The following DACH1 variants were observed in gnomAD, a reference collection of about 807,000 sequenced individuals.
The protein encoded by DACH1 is dachshund family transcription factor 1.
Under a neutral mutation model 54.2 loss-of-function variants are expected in DACH1, and 12 were observed. That is an observed-to-expected ratio of 0.22 (90% CI 0.14 to 0.36). The LOEUF is 0.36. Ranked by LOEUF, DACH1 falls within the 10% of genes least tolerant of loss-of-function variation. The pLI, the probability that DACH1 is intolerant of heterozygous loss-of-function variation, is 1.00. For synonymous variants in DACH1, 386 were observed against 366.2 expected (o/e 1.05, Z -0.62); for missense variants, 805 against 929.8 (o/e 0.87, Z 1.75).
intron 6 of DACH1, among the ~76,000 whole-genome samples, chr13:71,489,481 C>G (rs1262330574): frequency 4.6e-5 from 7 of 152,046 alleles, no homozygotes; most frequent in Non-Finnish European, 1.0e-4. Context: ...CCAATTATCT[C>G]CTTTTAGTTT....
rs746959352 is a variant in DACH1 at position 71,841,363 on chromosome 13, C to T, written c.848+24559G>A. 7.9e-5 allele frequency among the ~76,000 whole-genome samples: 12 copies of T among 151,446 alleles called. 1 individual carries two copies. Among genetic ancestry groups the T allele is most frequent in the African/African-American group, 2.4e-4 (10 of 41,192 alleles). On this transcript the variant is annotated intron_variant, in intron 1 of 10. Coordinates refer to ENST00000613252, the MANE Select transcript of DACH1 (RefSeq NM_080759.6). ...ATAATTGCACACAGGGAAGGGAGAG[C>T]GGGGAGGGAGGAGGTGGCAAGAGGT...
At chr13:71,624,139 T>G (rs1876463506) in intron 3 of DACH1, among the ~76,000 whole-genome samples, 1 of 151,882 alleles carries the variant, frequency 6.6e-6, no homozygotes, top group Non-Finnish European at 1.5e-5. Context: ...TTAGTACATT[T>G]TTTGTCTTTT....
At chr13:71,784,803 C>T (rs991792612) in intron 1 of DACH1, among the ~76,000 whole-genome samples, 29 of 152,086 alleles carry the variant, frequency 1.9e-4, no homozygotes, top group African/African-American at 6.5e-4. Context: ...GGTTCCCCAG[C>T]CTTCATCATA....
At chr13:71,856,008 C>G (rs1254016469) in intron 1 of DACH1, among the ~76,000 whole-genome samples, 1 of 151,830 alleles carries the variant, frequency 6.6e-6, no homozygotes, top group Non-Finnish European at 1.5e-5. Context: ...ATTTTAATAG[C>G]ATGAGAAAAC....
chr13:71,714,608 G>C (rs1217696542), intron 1 of DACH1, among the ~76,000 whole-genome samples: 1 of 151,802 alleles, frequency 6.6e-6, no homozygotes, highest in Non-Finnish European at 1.5e-5. Context: ...GACATCTGTG[G>C]AATTTTATTA....
At chr13:71,602,894 G>C (rs1263088782) in intron 3 of DACH1, among the ~76,000 whole-genome samples, 6 of 152,066 alleles carry the variant, frequency 3.9e-5, no homozygotes, top group Non-Finnish European at 5.9e-5. Flanking sequence ...TATGCTGTGA[G>C]TTAATAATAC....
chr13:71,675,212 G>GT (rs1402373897), intron 2 of DACH1: 1 of 1,573,028 alleles, frequency 6.4e-7, no homozygotes, highest in Admixed American at 1.7e-5. Context: ...GTGGCGCTCC[G>GT]TGAAGTTAGA....
chr13:71,743,483 G>C (rs113874980), intron 1 of DACH1, among the ~76,000 whole-genome samples: 1 of 152,222 alleles, frequency 6.6e-6, no homozygotes, highest in Admixed American at 6.5e-5. Flanking sequence ...TTGCTTTTTC[G>C]CACAGTCCCT....
At chr13:71,736,212 C>G (rs1480966334) in intron 1 of DACH1, among the ~76,000 whole-genome samples, 1 of 152,064 alleles carries the variant, frequency 6.6e-6, no homozygotes, top group East Asian at 1.9e-4. Context: ...GAAAACAAAT[C>G]TCAAAGTTAA....
intron 2 of DACH1, among the ~76,000 whole-genome samples, chr13:71,655,225 C>T (rs1383968198): frequency 6.6e-6 from 1 of 152,126 alleles, no homozygotes; most frequent in African/African-American, 2.4e-5. Flanking sequence ...TAATGCTATG[C>T]CATGTTATTA....
At chr13:71,452,334 C>T (rs1173242015) in intron 10 of DACH1, among the ~76,000 whole-genome samples, 3 of 151,944 alleles carry the variant, frequency 2.0e-5, no homozygotes, top group Admixed American at 2.0e-4. Flanking sequence ...CACCTTGTTG[C>T]CCAGGCTGGT....
chr13:71,479,505 C>T (rs573770117), intron 7 of DACH1, among the ~76,000 whole-genome samples, 189 bp from the exon 8 acceptor site: 4 of 152,206 alleles, frequency 2.6e-5, no homozygotes, highest in East Asian at 1.9e-4. Flanking sequence ...AAACTATTTT[C>T]GGAAGACAAA....
At chr13:71,576,897 T>C (rs980660881) in intron 3 of DACH1, among the ~76,000 whole-genome samples, 2 of 152,080 alleles carry the variant, frequency 1.3e-5, no homozygotes, top group Non-Finnish European at 1.5e-5. Flanking sequence ...AAGATAAATG[T>C]CTCTTGCTTA....
intron 1 of DACH1, among the ~76,000 whole-genome samples, chr13:71,750,122 G>T (rs546114096): frequency 1.3e-5 from 2 of 151,900 alleles, no homozygotes; most frequent in East Asian, 1.9e-4. Context: ...CTCTTTCTCC[G>T]CCTGGAACAT....
intron 2 of DACH1, among the ~76,000 whole-genome samples, chr13:71,633,189 T>C (rs1877231489): frequency 6.6e-6 from 1 of 152,176 alleles, no homozygotes; most frequent in South Asian, 2.1e-4. Flanking sequence ...GAACCATGAC[T>C]ATGCATGATA....
chr13:71,611,903 T>C (rs1294533991), intron 3 of DACH1, among the ~76,000 whole-genome samples: 1 of 151,984 alleles, frequency 6.6e-6, no homozygotes, highest in South Asian at 2.1e-4. Context: ...AAAGACAAGG[T>C]CCCTGCCACA....
chr13:71,773,426 G>C (rs1885940326), intron 1 of DACH1, among the ~76,000 whole-genome samples: 1 of 151,834 alleles, frequency 6.6e-6, no homozygotes, highest in South Asian at 2.1e-4. Flanking sequence ...TTACAAGTCT[G>C]AGAATATATT....
At chr13:71,445,370 A>C (rs1338178943) in intron 10 of DACH1, among the ~76,000 whole-genome samples, 1 of 152,190 alleles carries the variant, frequency 6.6e-6, no homozygotes, top group Non-Finnish European at 1.5e-5. Context: ...GTTTATAAAA[A>C]TTACATACAT....
intron 3 of DACH1, among the ~76,000 whole-genome samples, chr13:71,625,175 C>G (rs987297627): frequency 4.6e-5 from 7 of 151,982 alleles, no homozygotes; most frequent in Admixed American, 3.9e-4. Flanking sequence ...CCCTGTCAAT[C>G]GTTTCATTAT....
Sources: allele counts gnomAD v4.1 joint callset (sites outside exome capture counted in the v4.1 genomes callset), GRCh38; gene constraint gnomAD v4.1.1; transcripts MANE v1.5; gene names NCBI Gene and HGNC (gene_info 2026-07-23, HGNC 2026-07-21).